Variants in SUN1 observed in about 807,000 individuals in gnomAD.
SUN1 encodes Sad1 and UNC84 domain containing 1.
In SUN1, 61 loss-of-function variants were observed where a neutral mutation model predicts 103.2. That is an observed-to-expected ratio of 0.59 (90% confidence interval 0.48 to 0.73). The LOEUF is 0.73. SUN1 is among the 30% of genes least tolerant of loss of function. SUN1 has a pLI of 0.00. For missense variants in SUN1, 1,052 were observed against 1,034.6 expected, an observed-to-expected ratio of 1.02 and a Z score of -0.23; for synonymous variants, 490 against 425.7, an observed-to-expected ratio of 1.15 and a Z score of -1.86.
intron 2 of SUN1, 86 bp downstream of exon 2, chr7:839,072 C>T: frequency 7.4e-7 from 1 of 1,350,970 alleles, no homozygotes; most frequent in Non-Finnish European, 9.8e-7. Flanking sequence ...TAAAGCCGCA[C>T]CCTGTCTCGA....
At position 872,524 on chromosome 7, in the gene SUN1, G is replaced by T. The variant is rs1031687897; in HGVS notation, c.2203G>T (p.Asp735Tyr). ...GCAGCTTCTGGGACAGTTCACGTAT[G>T]ATCAGGATGGGGAGTCGCTCCAGAT... is the stretch of plus-strand genomic sequence containing the variant. The part of the protein sequence containing the change: ...EGQLLGQFTY[D>Y]QDGESLQMFQ... The change falls in exon 18 of 19, where the codon GAT (aspartate) becomes TAT (tyrosine). Residue 735 changes from aspartate (D) to tyrosine (Y), a missense_variant. Coordinates refer to ENST00000401592, the MANE Select transcript of SUN1 (RefSeq NM_001130965.3). The T allele has an allele frequency of 1.2e-6, 2 of 1,602,328 alleles. No individual in the cohort carries two copies. The highest frequency in any genetic ancestry group is 2.7e-5 in the African/African-American group (2 of 74,936).
Position 854,907 on chromosome 7 carries a change from T to C in SUN1, c.1264-13T>C. On this transcript the variant is annotated splice_polypyrimidine_tract_variant and intron_variant, in intron 10 of 18. Transcript: ENST00000401592. Reference sequence around the variant, plus strand: ...CTTTCTCCATCATTTGTTCACTCCTTCTCTTTCCTAAGACTGACTTTATGG... The same window carrying C: ...CTTTCTCCATCATTTGTTCACTCCTCCTCTTTCCTAAGACTGACTTTATGG... The C allele has an allele frequency of 1.2e-6, 2 of 1,603,946 alleles. No individual in the cohort carries two copies. The highest frequency in any genetic ancestry group is 1.7e-6 in the Non-Finnish European group (2 of 1,173,716).
At chr7:869,552 C>T in intron 17 of SUN1, 36 bp downstream of exon 17, 1 of 1,599,068 alleles carries the variant, frequency 6.3e-7, no homozygotes, top group South Asian at 1.1e-5. Flanking sequence ...CCTCCCACAC[C>T]TTCCTGGGAG....
intron 5 of SUN1, among the ~76,000 whole-genome samples, chr7:844,233 T>C (rs891971887): frequency 6.6e-6 from 1 of 152,226 alleles, no homozygotes; most frequent in Non-Finnish European, 1.5e-5. Context: ...CATGACTGCC[T>C]GGCCCAGGAT....
Position 866,080 on chromosome 7 carries a change from C to G in SUN1, c.1980+13C>G, listed in dbSNP as rs367667307. The G allele has an allele frequency of 6.2e-7, 1 of 1,611,966 alleles. No individual in the cohort carries two copies. The highest frequency in any genetic ancestry group is 1.1e-5 in the South Asian group (1 of 91,034). On this transcript the variant is annotated intron_variant, in intron 16 of 18. Coordinates refer to ENST00000401592, the MANE Select transcript of SUN1 (RefSeq NM_001130965.3). ...CGTGGTCATCCAGGTGAGTGGCCGC[C>G]GGTGGCCGGAGCTGCTCCTCTTCAG... is the stretch of plus-strand genomic sequence containing the variant.
At position 857,965 on chromosome 7, in the gene SUN1, T is replaced by C; in HGVS notation, c.1524+8T>C. On this transcript the variant is annotated splice_region_variant and intron_variant, in intron 13 of 18. Transcript: ENST00000401592. ...GATGCCGTACAAGAAAGAGTGAGCT[T>C]TCTGCATGTTTACTTTTTGTTTTAT... The C allele has an allele frequency of 6.5e-7, 1 of 1,545,108 alleles. No homozygotes were observed. Among genetic ancestry groups the C allele is most frequent in the Non-Finnish European group, 8.8e-7 (1 of 1,139,182 alleles).
rs1383058088 is a variant in SUN1, at chr7:852,819, C to T, written c.920C>T (p.Ser307Phe). 2 of 1,613,076 alleles carry T rather than the reference C, an allele frequency of 1.2e-6. No individual in the cohort carries two copies. Among genetic ancestry groups the T allele is most frequent in the South Asian group, 2.2e-5 (2 of 90,970 alleles). The change falls in exon 9 of 19, where the codon TCC (serine) becomes TTC (phenylalanine). Residue 307 changes from serine (S) to phenylalanine (F), a missense_variant. This residue lies in a region of SUN1 where 846 missense variants were observed against 774.5 expected (regional missense o/e 1.09). Coordinates refer to ENST00000401592, the MANE Select transcript of SUN1 (RefSeq NM_001130965.3). ...IPLFLLLAGLSLRGQGNFFSF... is the reference protein window; with the variant it reads ...IPLFLLLAGLFLRGQGNFFSF... ...GGCTCTTCTCTTTTAGCAGGTCTCT[C>T]CTTACGGGGCCAGGGCAATTTCTTT...
intron 1 of SUN1, among the ~76,000 whole-genome samples, chr7:827,023 T>C (rs1482124304): frequency 1.3e-5 from 2 of 152,172 alleles, no homozygotes; most frequent in Admixed American, 6.5e-5. Flanking sequence ...TCAAGGTTTG[T>C]TTTTTGTTTT....
rs377671124 is a variant in SUN1, at chr7:844,781, A to G, written c.658+1261A>G. Among the ~76,000 whole-genome samples, 33 of 152,184 alleles carry G rather than the reference A, an allele frequency of 2.2e-4. No homozygotes were observed. The East Asian group carries it at 6.4e-3, about 30-fold the overall frequency. ...CACGGCAGCCCCCTTATTACAGACA[A>G]GCAAACTGGGGCTTAGCCAGCTCAG... On this transcript the variant is annotated intron_variant, in intron 5 of 18. Coordinates refer to ENST00000401592, the MANE Select transcript of SUN1 (RefSeq NM_001130965.3).
intron 15 of SUN1, 143 bp downstream of exon 15, chr7:861,607 G>C (rs1168351017): frequency 4.9e-6 from 4 of 817,562 alleles, no homozygotes; most frequent in Admixed American, 2.1e-5. Context: ...ATGATTCTGG[G>C]CATGACCCTG....
At position 869,340 on chromosome 7, in the gene SUN1, T is replaced by C; in HGVS notation, c.1981-9T>C. The C allele has an allele frequency of 1.2e-6, 2 of 1,612,212 alleles. No homozygotes were observed. Among genetic ancestry groups the C allele is most frequent in the Non-Finnish European group, 1.7e-6 (2 of 1,178,862 alleles). On this transcript the variant is annotated splice_polypyrimidine_tract_variant and intron_variant, in intron 16 of 18. Coordinates refer to ENST00000401592, the MANE Select transcript of SUN1 (RefSeq NM_001130965.3). ...ACACTCTGAGTCCTCATGTTTTTCC[T>C]TTCCCCAGCCTGACATTTACCCCGG...
At chr7:832,702 T>C (rs1562544929) in intron 1 of SUN1, 101 bp downstream of exon 1, 2 of 873,754 alleles carry the variant, frequency 2.3e-6, no homozygotes, top group East Asian at 5.3e-5. Flanking sequence ...ACCGACTACA[T>C]GCTGTATTTT....
intron 5 of SUN1, chr7:848,354 C>A: frequency 1.6e-6 from 2 of 1,284,502 alleles, no homozygotes; most frequent in Non-Finnish European, 2.1e-6. Context: ...GGCTACCTGA[C>A]TTATCAGGAA....
intron 17 of SUN1, among the ~76,000 whole-genome samples, chr7:869,897 G>A (rs1840167235): frequency 6.6e-6 from 1 of 152,058 alleles, no homozygotes; most frequent in South Asian, 2.1e-4. Context: ...GGTATTTTCT[G>A]GTTTCTTCAC....
chr7:853,699 A>G, intron 10 of SUN1, 81 bp downstream of exon 10: 2 of 1,451,774 alleles, frequency 1.4e-6, no homozygotes, highest in Non-Finnish European at 1.9e-6. Context: ...TGGGAGACAG[A>G]GGGGACAGGA....
At chr7:849,405 C>A in intron 5 of SUN1, 1 of 747,618 alleles carries the variant, frequency 1.3e-6, no homozygotes, top group Non-Finnish European at 2.0e-6. Flanking sequence ...TGTGGGAACT[C>A]TGTGGAAGTG....
chr7:830,164 G>A (rs1203451469), upstream of SUN1, among the ~76,000 whole-genome samples: 1 of 152,226 alleles, frequency 6.6e-6, no homozygotes, highest in African/African-American at 2.4e-5. Flanking sequence ...GGGAGCTCTG[G>A]GAGCCTCTCA....
intron 2 of SUN1, among the ~76,000 whole-genome samples, chr7:840,396 T>C (rs1020112393): frequency 1.3e-5 from 2 of 152,232 alleles, no homozygotes; most frequent in Non-Finnish European, 2.9e-5. Context: ...GCAAGTGTGC[T>C]GCAGCTGTAC....
rs575784830 is a variant in SUN1 at position 821,722 on chromosome 7, G to A, written c.-74+5049G>A. Among the ~76,000 whole-genome samples the A allele has an allele frequency of 3.3e-5, 5 of 152,294 alleles. No individual in the cohort carries two copies. In the South Asian group the frequency reaches 1.0e-3, roughly 32 times the overall value. On this transcript the variant is annotated intron_variant, in intron 1 of 17. Transcript: ENST00000389574. ...TTACCGCAGCGTTTCAGGGTGAGGT[G>A]AGAGTCCTGGAATTACCTCTCCTGG...
Sources: gnomAD v4.1 joint callset for allele counts (sites outside exome capture counted in the v4.1 genomes callset) on GRCh38, gnomAD v4.1.1 for gene constraint, gnomAD v4.1.1 regional missense constraint, MANE v1.5 for transcripts, NCBI Gene and HGNC (gene_info 2026-07-23, HGNC 2026-07-21) for gene names.